The following LRRC1 variants were observed in gnomAD, a reference collection of about 807,000 sequenced individuals.
LRRC1 encodes the protein leucine rich repeat containing 1, also known as leucine-rich repeat-containing protein 1.
Under a neutral mutation model 69.9 loss-of-function variants are expected in LRRC1, and 28 were observed. The ratio of observed to expected loss-of-function variants is 0.40; its 90% CI spans 0.30 to 0.55. The LOEUF (loss-of-function observed/expected upper bound fraction) is 0.55, where lower values mean the gene tolerates loss of function less well. LRRC1 is among the 20% of genes least tolerant of loss of function. The pLI is 0.47. For missense variants in LRRC1, 498 were observed against 609.0 expected (o/e 0.82, Z 1.92); for synonymous variants, 236 against 240.2 (o/e 0.98, Z 0.16).
At chr6:53,893,027 G>A (rs1767754426) in intron 4 of LRRC1, among the ~76,000 whole-genome samples, 1 of 152,112 alleles carries the variant, frequency 6.6e-6, no homozygotes, top group Admixed American at 6.5e-5. Flanking sequence ...CCAGATGTAG[G>A]GCCTGTCCTT....
chr6:53,869,876 C>T (rs1562051978), intron 2 of LRRC1, among the ~76,000 whole-genome samples: 1 of 152,202 alleles, frequency 6.6e-6, no homozygotes, highest in Admixed American at 6.5e-5. Context: ...CTGAGTATTT[C>T]AGGGTAAGCA....
At chr6:53,920,086 T>A (rs183177631) in intron 12 of LRRC1, among the ~76,000 whole-genome samples, 1 of 152,198 alleles carries the variant, frequency 6.6e-6, no homozygotes, top group Non-Finnish European at 1.5e-5. Flanking sequence ...AAACAAAAAA[T>A]TCACAGTAAC....
chr6:53,867,225 C>G (rs1452287340), intron 2 of LRRC1, among the ~76,000 whole-genome samples: 1 of 152,010 alleles, frequency 6.6e-6, no homozygotes. Flanking sequence ...TTCATTTGTG[C>G]AAAGTGTTGA....
chr6:53,882,851 T>A lies in LRRC1; in HGVS notation c.357-36T>A, dbSNP rs57581005. ...GGTATACACTATACATGAACTTTTT[T>A]AATTTACAGCGTTTTGTTTGTTTGT... is the stretch of plus-strand genomic sequence containing the variant. On this transcript the variant is annotated intron_variant, in intron 3 of 13. Transcript: ENST00000370888. The A allele has an allele frequency of 3.0e-3, 4,173 of 1,387,312 alleles. 76 individuals are homozygous for A. In the African/African-American group the frequency reaches 0.047, roughly 16 times the overall value. The allele number at this position is 1,387,312 out of a possible 1,614,324, so 85.9% of individuals were successfully genotyped here. A position where few individuals can be genotyped will look rare whatever the true frequency, so the allele number is the denominator to read the frequency against.
intron 2 of LRRC1, among the ~76,000 whole-genome samples, chr6:53,855,344 A>T (rs994357910): frequency 2.1e-4 from 32 of 152,232 alleles, no homozygotes; most frequent in Admixed American, 7.2e-4. Context: ...GAGTGAATGA[A>T]TGAGTGCTGG....
intron 2 of LRRC1, among the ~76,000 whole-genome samples, chr6:53,848,682 GTTAATA>G (rs1395446037): frequency 6.6e-5 from 10 of 152,002 alleles, no homozygotes; most frequent in Non-Finnish European, 1.0e-4. Context: ...TCTTTATTCT[GTTAATA>G]TTAATATTCT....
intron 2 of LRRC1, among the ~76,000 whole-genome samples, chr6:53,852,213 T>C (rs1295557736): frequency 5.3e-5 from 8 of 152,218 alleles, no homozygotes; most frequent in African/African-American, 1.9e-4. Context: ...ATTAGAAGTA[T>C]GCTTTTTGTT....
At chr6:53,909,921 G>A (rs971843389) in intron 10 of LRRC1, among the ~76,000 whole-genome samples, 2 of 152,158 alleles carry the variant, frequency 1.3e-5, no homozygotes, top group Non-Finnish European at 2.9e-5. Context: ...CTTAAGGCAA[G>A]CATTTAAAAA....
At chr6:53,882,750 A>G in intron 3 of LRRC1, 137 bp from the exon 4 acceptor site, 1 of 572,894 alleles carries the variant, frequency 1.7e-6, no homozygotes, top group African/African-American at 2.0e-5. Context: ...AAGACAAGGC[A>G]AACATGCCAT....
intron 2 of LRRC1, among the ~76,000 whole-genome samples, chr6:53,848,833 C>T (rs529631516): frequency 2.6e-5 from 4 of 152,138 alleles, no homozygotes; most frequent in African/African-American, 9.6e-5. Context: ...TCTTGGCTCA[C>T]GGCAACCTCT....
chr6:53,849,229 C>T (rs1766049068), intron 2 of LRRC1, among the ~76,000 whole-genome samples: 1 of 152,174 alleles, frequency 6.6e-6, no homozygotes, highest in Non-Finnish European at 1.5e-5. Flanking sequence ...CCATCCCTCC[C>T]TAGCTCATTC....
At chr6:53,901,421 T>C (rs1057203922) in intron 8 of LRRC1, among the ~76,000 whole-genome samples, 1 of 151,978 alleles carries the variant, frequency 6.6e-6, no homozygotes. Context: ...ATGCCTGTAG[T>C]CCTAGCTACT....
intron 4 of LRRC1, among the ~76,000 whole-genome samples, chr6:53,886,199 G>GTGAAACAAAGTATTATGAAGCCAA (rs1221316415): frequency 2.0e-5 from 3 of 152,078 alleles, no homozygotes; most frequent in Non-Finnish European, 4.4e-5. Flanking sequence ...GCGACATCAA[G>GTGAAACAAAGTATTATGAAGCCAA]TGAAACAAAG....
At chr6:53,795,540 T>C in intron 1 of LRRC1, 125 bp downstream of exon 1, 1 of 838,666 alleles carries the variant, frequency 1.2e-6, no homozygotes, top group Non-Finnish European at 1.8e-6. Flanking sequence ...TTTTATGCAT[T>C]CACCTGCTTC....
rs538737288 is a variant in LRRC1 at position 53,919,485 on chromosome 6, A to C, written c.1107-13A>C. 2 of 1,494,928 alleles carry C rather than the reference A, an allele frequency of 1.3e-6. No individual in the cohort carries two copies. Among genetic ancestry groups the C allele is most frequent in the South Asian group, 2.7e-5 (2 of 73,648 alleles). 92.6% of individuals were successfully genotyped at this position (1,494,928 alleles called of 1,614,324 possible). On this transcript the variant is annotated splice_polypyrimidine_tract_variant and intron_variant, in intron 11 of 13. Coordinates refer to ENST00000370888, the MANE Select transcript of LRRC1 (RefSeq NM_018214.5). ...TGTGATGTCTCTTTTTTTAAAAAAA[A>C]AAAAAAAAACAGGTTGCTGCATCTA...
chr6:53,819,224 CATTTT>C (rs1206436816), intron 1 of LRRC1, among the ~76,000 whole-genome samples: 1 of 152,122 alleles, frequency 6.6e-6, no homozygotes, highest in Non-Finnish European at 1.5e-5. Flanking sequence ...TAAAAATAGG[CATTTT>C]GGAGAAAGGA....
rs1434874072 is a variant in LRRC1, at chr6:53,808,865, TGAAAA to T, written c.159+13456_159+13460del. 3.3e-5 allele frequency among the ~76,000 whole-genome samples: 5 copies of T among 152,006 alleles called. No homozygotes were observed. The East Asian group carries it at 7.7e-4, about 23-fold the overall frequency. On this transcript the variant is annotated intron_variant, in intron 1 of 13. Coordinates refer to ENST00000370888, the MANE Select transcript of LRRC1 (RefSeq NM_018214.5). ...AGACCCTGTTTCAAAAACAAATAAATGAAAAGAAAAAGAGCACTGAGCTGCAATAT... is the reference window on the plus strand; with the variant it reads ...AGACCCTGTTTCAAAAACAAATAAATGAAAAAGAGCACTGAGCTGCAATAT...
chr6:53,890,823 A>G (rs1767655764), intron 4 of LRRC1, among the ~76,000 whole-genome samples: 1 of 152,226 alleles, frequency 6.6e-6, no homozygotes, highest in African/African-American at 2.4e-5. Flanking sequence ...TAATGTTGCC[A>G]TAAATAGTTG....
At chr6:53,858,116 A>G (rs1483569108) in intron 2 of LRRC1, among the ~76,000 whole-genome samples, 2 of 152,208 alleles carry the variant, frequency 1.3e-5, no homozygotes, top group Admixed American at 6.5e-5. Flanking sequence ...GTCGTTGGCC[A>G]TGGTTAGGAC....
Sources: allele counts gnomAD v4.1 joint callset (sites outside exome capture counted in the v4.1 genomes callset), GRCh38; gene constraint gnomAD v4.1.1; transcripts MANE v1.5; gene names NCBI Gene and HGNC (gene_info 2026-07-23, HGNC 2026-07-21).